The following LMBR1 variants were observed in gnomAD, a reference collection of about 807,000 sequenced individuals.
LMBR1 encodes the protein limb development membrane protein 1.
Under a neutral mutation model 73.9 loss-of-function variants are expected in LMBR1, and 52 were observed. That is an observed-to-expected ratio of 0.70 (90% CI 0.56 to 0.89). The LOEUF (loss-of-function observed/expected upper bound fraction) is 0.89. Ranked by LOEUF, LMBR1 falls within the 40% of genes least tolerant of loss-of-function variation. The pLI is 0.00. For synonymous variants in LMBR1, 215 were observed against 209.4 expected, an observed-to-expected ratio of 1.03 and a Z score of -0.23; for missense variants, 539 against 579.8, an observed-to-expected ratio of 0.93 and a Z score of 0.72.
chr7:156,869,309 T>TGAA (rs1798927810), intron 1 of LMBR1, among the ~76,000 whole-genome samples: 1 of 151,348 alleles, frequency 6.6e-6, no homozygotes, highest in South Asian at 2.1e-4. Context: ...ACTACAGACG[T>TGAA]GAAGAAGAAA....
chr7:156,731,086 C>A (rs1816752915), intron 10 of LMBR1, among the ~76,000 whole-genome samples: 2 of 151,820 alleles, frequency 1.3e-5, no homozygotes, highest in South Asian at 4.2e-4. Flanking sequence ...GAAAATTTTG[C>A]AAGTAAATTT....
chr7:156,868,301 C>T (rs1410814651), intron 1 of LMBR1, among the ~76,000 whole-genome samples: 1 of 150,330 alleles, frequency 6.7e-6, no homozygotes. Flanking sequence ...TCAAGTAATT[C>T]TCCTGCCTTA....
chr7:156,845,047 T>G (rs1341851926), intron 1 of LMBR1, among the ~76,000 whole-genome samples: 1 of 152,144 alleles, frequency 6.6e-6, no homozygotes, highest in Non-Finnish European at 1.5e-5. Flanking sequence ...ATAAGTATCA[T>G]AAAAGAGTGA....
chr7:156,820,096 G>A (rs1834522252), intron 4 of LMBR1, among the ~76,000 whole-genome samples: 1 of 152,210 alleles, frequency 6.6e-6, no homozygotes, highest in Non-Finnish European at 1.5e-5. Context: ...TCTGGTCTGT[G>A]CAGAAGACAG....
intron 1 of LMBR1, among the ~76,000 whole-genome samples, chr7:156,858,371 T>C (rs1797268775): frequency 6.6e-6 from 1 of 152,146 alleles, no homozygotes; most frequent in South Asian, 2.1e-4. Flanking sequence ...CTACCAAAAC[T>C]TCCAAGTCAA....
intron 15 of LMBR1, among the ~76,000 whole-genome samples, chr7:156,712,587 C>T (rs936008962): frequency 2.0e-5 from 3 of 152,172 alleles, no homozygotes; most frequent in Non-Finnish European, 4.4e-5. Flanking sequence ...GCACTGATCA[C>T]AATAGCAAAG....
At chr7:156,839,886 G>A (rs1040802046) in intron 1 of LMBR1, among the ~76,000 whole-genome samples, 1 of 152,212 alleles carries the variant, frequency 6.6e-6, no homozygotes, top group Non-Finnish European at 1.5e-5. Flanking sequence ...CTGGAGTGTA[G>A]AAGATGGGCC....
intron 4 of LMBR1, among the ~76,000 whole-genome samples, chr7:156,803,999 G>C (rs1346053467): frequency 1.6e-5 from 2 of 128,082 alleles, no homozygotes; most frequent in South Asian, 3.3e-4. Flanking sequence ...GTTGTGGGGT[G>C]GGGGGAGGGG....
chr7:156,869,553 A>G (rs1162922875), intron 1 of LMBR1, among the ~76,000 whole-genome samples: 1 of 152,180 alleles, frequency 6.6e-6, no homozygotes, highest in Non-Finnish European at 1.5e-5. Context: ...TACAAATACA[A>G]AAAATCAGCA....
chr7:156,709,284 A>C (rs1226417392), intron 15 of LMBR1, among the ~76,000 whole-genome samples: 1 of 152,146 alleles, frequency 6.6e-6, no homozygotes, highest in African/African-American at 2.4e-5. Flanking sequence ...TGACAGAATA[A>C]CCCTGCTCCC....
Position 156,762,250 on chromosome 7 carries a change from G to A in LMBR1, c.620-52C>T, listed in dbSNP as rs762029108. The A allele has an allele frequency of 1.1e-5, 13 of 1,151,052 alleles. No homozygotes were observed. In the South Asian group the frequency reaches 1.7e-4, roughly 15 times the overall value. 71.3% of individuals were successfully genotyped at this position (1,151,052 alleles called of 1,614,324 possible). A position where few individuals can be genotyped will look rare whatever the true frequency, so the allele number is the denominator to read the frequency against. ...AGAAAGCGACATTATAGAGCTTGGA[G>A]AAAGAGATAAACAACTAGACTGTAA... On this transcript the variant is annotated intron_variant, in intron 7 of 16. Coordinates refer to ENST00000353442, the MANE Select transcript of LMBR1 (RefSeq NM_022458.4).
chr7:156,812,373 G>C (rs190216956), intron 4 of LMBR1, among the ~76,000 whole-genome samples: 1 of 152,092 alleles, frequency 6.6e-6, no homozygotes, highest in Non-Finnish European at 1.5e-5. Context: ...ACACAAGAGC[G>C]CAGAGGACTT....
intron 5 of LMBR1, among the ~76,000 whole-genome samples, chr7:156,783,269 T>G (rs560065254): frequency 6.6e-6 from 1 of 152,272 alleles, no homozygotes; most frequent in East Asian, 1.9e-4. Flanking sequence ...ACTCCTGGGC[T>G]CAAGCAATCC....
intron 1 of LMBR1, among the ~76,000 whole-genome samples, chr7:156,861,339 G>A (rs1797688639): frequency 6.6e-6 from 1 of 152,174 alleles, no homozygotes; most frequent in East Asian, 1.9e-4. Context: ...GTCACAGCTG[G>A]AACAGCTGGG....
At chr7:156,714,095 T>C (rs1812681092) in intron 15 of LMBR1, among the ~76,000 whole-genome samples, 1 of 152,228 alleles carries the variant, frequency 6.6e-6, no homozygotes, top group Non-Finnish European at 1.5e-5. Flanking sequence ...AATGTCTATA[T>C]ACAAACAGTT....
At chr7:156,807,367 T>C (rs1025546074) in intron 4 of LMBR1, among the ~76,000 whole-genome samples, 3 of 152,246 alleles carry the variant, frequency 2.0e-5, no homozygotes, top group Non-Finnish European at 4.4e-5. Flanking sequence ...GCTTTATTTG[T>C]GAGAATGTTT....
chr7:156,750,296 A>G (rs1460140080), intron 9 of LMBR1, among the ~76,000 whole-genome samples: 3 of 140,630 alleles, frequency 2.1e-5, no homozygotes, highest in African/African-American at 8.7e-5. Context: ...GTGTGTGTGT[A>G]CGTGTGTGTG....
chr7:156,891,233 TACAC>T (rs68193998), intron 1 of LMBR1, among the ~76,000 whole-genome samples: 826 of 68,790 alleles, frequency 0.012, 12 homozygotes, highest in Non-Finnish European at 0.014. Flanking sequence ...TATATATATA[TACAC>T]ACACACACAC....
chr7:156,720,256 C>G (rs186885520), intron 15 of LMBR1, among the ~76,000 whole-genome samples: 2 of 152,146 alleles, frequency 1.3e-5, no homozygotes, highest in Admixed American at 6.5e-5. Context: ...AACAAATTTA[C>G]AAGAAAAAAA....
Sources: allele counts gnomAD v4.1 joint callset (sites outside exome capture counted in the v4.1 genomes callset), GRCh38; gene constraint gnomAD v4.1.1; transcripts MANE v1.5; gene names NCBI Gene and HGNC (gene_info 2026-07-23, HGNC 2026-07-21).